The following KCNQ5 variants were observed in gnomAD, a reference collection of about 807,000 sequenced individuals.
KCNQ5 encodes the protein potassium voltage-gated channel subfamily KQT member 5.
In KCNQ5, 30 loss-of-function variants were observed where a neutral mutation model predicts 98.2. The ratio of observed to expected loss-of-function variants is 0.31; its 90% CI spans 0.23 to 0.41. The LOEUF (loss-of-function observed/expected upper bound fraction) is 0.41, where lower values mean the gene tolerates loss of function less well. Among genes scored for constraint, KCNQ5 ranks in the 10% least tolerant of loss-of-function variants. The pLI is 1.00. For missense variants in KCNQ5, 835 were observed against 1,182.5 expected, an observed-to-expected ratio of 0.71 and a Z score of 4.31; for synonymous variants, 458 against 449.4, an observed-to-expected ratio of 1.02 and a Z score of -0.24.
chr6:73,007,087 A>G (rs565078638), intron 2 of KCNQ5, among the ~76,000 whole-genome samples: 1 of 152,100 alleles, frequency 6.6e-6, no homozygotes, highest in Non-Finnish European at 1.5e-5. Context: ...CCCACATCCA[A>G]AAAGGAAGTC....
At chr6:72,719,397 T>A (rs75426292) in intron 1 of KCNQ5, among the ~76,000 whole-genome samples, 1,566 of 152,304 alleles carry the variant, frequency 0.01, 17 homozygotes, top group East Asian at 0.02. Context: ...CATCCCAATG[T>A]TCTTAAGTAA....
At chr6:73,191,564 G>C (rs991223150) in intron 12 of KCNQ5, among the ~76,000 whole-genome samples, 1 of 152,132 alleles carries the variant, frequency 6.6e-6, no homozygotes, top group Admixed American at 6.5e-5. Context: ...CAAGGACTGA[G>C]ACTTGAACTT....
At chr6:72,779,750 T>C (rs1046636636) in intron 1 of KCNQ5, among the ~76,000 whole-genome samples, 1 of 151,992 alleles carries the variant, frequency 6.6e-6, no homozygotes, top group Non-Finnish European at 1.5e-5. Flanking sequence ...GCTCAAGGGA[T>C]ACTACCACCT....
At chr6:72,794,712 T>C (rs540059267) in intron 1 of KCNQ5, among the ~76,000 whole-genome samples, 1 of 152,164 alleles carries the variant, frequency 6.6e-6, no homozygotes, top group East Asian at 1.9e-4. Flanking sequence ...TCTGTTCATC[T>C]CTTTTTTTAT....
chr6:73,184,611 G>A (rs1397817925), intron 11 of KCNQ5, among the ~76,000 whole-genome samples: 1 of 152,176 alleles, frequency 6.6e-6, no homozygotes, highest in Non-Finnish European at 1.5e-5. Flanking sequence ...ACAGTTCCTG[G>A]CATGAATAAA....
chr6:73,087,304 G>T (rs994009935), intron 5 of KCNQ5, among the ~76,000 whole-genome samples: 3 of 152,172 alleles, frequency 2.0e-5, no homozygotes, highest in East Asian at 1.9e-4. Context: ...TAGATTCCGT[G>T]GGGGGAGTGA....
At chr6:72,769,293 T>TA (rs1278079614) in intron 1 of KCNQ5, among the ~76,000 whole-genome samples, 1 of 152,116 alleles carries the variant, frequency 6.6e-6, no homozygotes, top group African/African-American at 2.4e-5. Context: ...GTATGCTTAA[T>TA]AAAAATACAT....
intron 1 of KCNQ5, among the ~76,000 whole-genome samples, chr6:72,898,397 C>T (rs959135676): frequency 6.6e-6 from 1 of 152,162 alleles, no homozygotes; most frequent in Non-Finnish European, 1.5e-5. Flanking sequence ...CATTGTTCAA[C>T]TCCCACTTAG....
At chr6:72,825,956 A>G (rs1483202046) in intron 1 of KCNQ5, among the ~76,000 whole-genome samples, 1 of 152,136 alleles carries the variant, frequency 6.6e-6, no homozygotes, top group African/African-American at 2.4e-5. Flanking sequence ...CCAGTTGTTC[A>G]ATCACAGTTG....
chr6:73,175,400 C>T (rs760934088), intron 11 of KCNQ5, among the ~76,000 whole-genome samples: 13 of 152,216 alleles, frequency 8.5e-5, no homozygotes, highest in South Asian at 6.2e-4. Context: ...TCTGCCCCCC[C>T]CTTGGCTTCC....
chr6:73,127,357 G>A (rs531818971), intron 9 of KCNQ5, among the ~76,000 whole-genome samples: 25 of 152,180 alleles, frequency 1.6e-4, no homozygotes, highest in Non-Finnish European at 3.5e-4. Flanking sequence ...ACAAGCTTCA[G>A]CCCAAGCAGG....
intron 1 of KCNQ5, among the ~76,000 whole-genome samples, chr6:72,920,554 A>G (rs1169337749): frequency 6.6e-6 from 1 of 152,172 alleles, no homozygotes; most frequent in Non-Finnish European, 1.5e-5. Context: ...GACTTCTGCC[A>G]CTCAGGTGTT....
At chr6:72,840,388 T>C (rs1776736860) in intron 1 of KCNQ5, among the ~76,000 whole-genome samples, 2 of 152,212 alleles carry the variant, frequency 1.3e-5, no homozygotes, top group African/African-American at 4.8e-5. Flanking sequence ...CTTAAAAGAA[T>C]AGCAAGAGAC....
chr6:72,959,588 C>T (rs748372920), intron 1 of KCNQ5, among the ~76,000 whole-genome samples: 17 of 152,104 alleles, frequency 1.1e-4, no homozygotes, highest in Non-Finnish European at 1.8e-4. Context: ...GAAAGAGTAG[C>T]GAACAATATT....
intron 1 of KCNQ5, among the ~76,000 whole-genome samples, chr6:72,941,166 C>G (rs1451009671): frequency 1.3e-5 from 2 of 152,036 alleles, no homozygotes; most frequent in Non-Finnish European, 2.9e-5. Context: ...AATTTTATTT[C>G]TTTTGCCTTC....
chr6:73,194,600 A>T lies in KCNQ5; in HGVS notation c.1985A>T (p.Asp662Val). 1 of 1,614,218 alleles carries T rather than the reference A, an allele frequency of 6.2e-7. No homozygotes were observed. The highest frequency in any genetic ancestry group is 8.5e-7 in the Non-Finnish European group (1 of 1,180,030). ...ACATCTGACTATCAAAGCCCTGTGG[A>T]TAGCAAAGATCTTTCGGGTTCCGCA... ...EQTSDYQSPV[D>V]SKDLSGSAQN... The change falls in exon 14 of 14, where the codon GAT becomes GTT. Residue 662 changes from aspartate (D) to valine (V), a missense_variant. Coordinates refer to ENST00000370398, the MANE Select transcript of KCNQ5 (RefSeq NM_019842.4).
intron 1 of KCNQ5, among the ~76,000 whole-genome samples, chr6:72,715,168 G>A (rs1450615282): frequency 6.6e-6 from 1 of 152,180 alleles, no homozygotes; most frequent in Non-Finnish European, 1.5e-5. Context: ...ATTTGACAGA[G>A]GTAAGTGAGA....
chr6:72,995,267 C>G (rs1769235108), intron 1 of KCNQ5, among the ~76,000 whole-genome samples: 1 of 150,956 alleles, frequency 6.6e-6, no homozygotes, highest in Admixed American at 6.6e-5. Context: ...ACTTGGGAGG[C>G]TGAGGCAGGA....
intron 10 of KCNQ5, among the ~76,000 whole-genome samples, chr6:73,156,765 G>A (rs1387949739): frequency 2.0e-5 from 3 of 152,254 alleles, no homozygotes; most frequent in Non-Finnish European, 4.4e-5. Flanking sequence ...TACTTTTCAC[G>A]TTTTGGTTGA....
Sources: allele counts gnomAD v4.1 joint callset (sites outside exome capture counted in the v4.1 genomes callset), GRCh38; gene constraint gnomAD v4.1.1; transcripts MANE v1.5; gene names NCBI Gene and HGNC (gene_info 2026-07-23, HGNC 2026-07-21).